The following PHF24 variants were observed in gnomAD, a reference collection of about 807,000 sequenced individuals.
The protein encoded by PHF24 is PHD finger protein 24.
Under a neutral mutation model 42.6 loss-of-function variants are expected in PHF24, and 25 were observed. That is an observed-to-expected ratio of 0.59 (90% CI 0.43 to 0.82). The LOEUF (loss-of-function observed/expected upper bound fraction) is 0.82, where lower values mean the gene tolerates loss of function less well. PHF24 is among the 40% of genes least tolerant of loss of function. The pLI is 0.00. For missense variants in PHF24, 470 were observed against 538.1 expected (o/e 0.87, Z 1.25); for synonymous variants, 185 against 204.8 (o/e 0.90, Z 0.83).
the PHF24 span, among the ~76,000 whole-genome samples, chr9:34,675,502 C>A: frequency 1.3e-5 from 2 of 152,196 alleles, no homozygotes; most frequent in Non-Finnish European, 2.9e-5. Context: ...TGGAGGGTCT[C>A]AGTCCAGCTG....
At chr9:34,900,784 G>A in the PHF24 span, among the ~76,000 whole-genome samples, 2 of 152,122 alleles carry the variant, frequency 1.3e-5, no homozygotes, top group East Asian at 3.9e-4. Flanking sequence ...GTGGATTAAT[G>A]CCACTATAAA....
At chr9:34,898,835 A>T in the PHF24 span, among the ~76,000 whole-genome samples, 1 of 152,202 alleles carries the variant, frequency 6.6e-6, no homozygotes, top group Non-Finnish European at 1.5e-5. Context: ...TGCACTACTT[A>T]CCTCACAGAT....
the PHF24 span, among the ~76,000 whole-genome samples, chr9:34,914,622 G>A: frequency 5.3e-5 from 8 of 151,948 alleles, no homozygotes; most frequent in Admixed American, 3.3e-4. Flanking sequence ...ATCTCATGTC[G>A]GTTCTGCTTC....
chr9:34,914,581 C>T, the PHF24 span, among the ~76,000 whole-genome samples: 1 of 152,006 alleles, frequency 6.6e-6, no homozygotes, highest in African/African-American at 2.4e-5. Flanking sequence ...CAATTGTATC[C>T]TTATACAACA....
the PHF24 span, chr9:34,690,373 A>G: frequency 4.3e-6 from 7 of 1,609,510 alleles, no homozygotes; most frequent in African/African-American, 6.7e-5. Context: ...GACAGGACAC[A>G]GGGACCCTTG....
At chr9:34,895,019 A>G in the PHF24 span, 2 of 398,380 alleles carry the variant, frequency 5.0e-6, no homozygotes, top group African/African-American at 2.1e-5. Context: ...AGTGAATTAG[A>G]GGAGAGACTG....
At chr9:34,840,880 A>G in the PHF24 span, among the ~76,000 whole-genome samples, 56,452 of 151,686 alleles carry the variant, frequency 0.37, 10,810 homozygotes, top group East Asian at 0.66. Context: ...TAAATATATA[A>G]GTATATATGT....
chr9:34,755,132 A>G, the PHF24 span, among the ~76,000 whole-genome samples: 280 of 152,274 alleles, frequency 1.8e-3, 3 homozygotes, highest in Middle Eastern at 0.014. Context: ...AATGAAATCT[A>G]GTATTCGATA....
the PHF24 span, among the ~76,000 whole-genome samples, chr9:34,898,659 C>G: frequency 6.6e-6 from 1 of 152,206 alleles, no homozygotes; most frequent in Admixed American, 6.5e-5. Context: ...AGCAGGTCAT[C>G]AACATACCTG....
At chr9:34,960,601 A>T (rs1826557244) in intron 1 of PHF24, among the ~76,000 whole-genome samples, 1 of 152,202 alleles carries the variant, frequency 6.6e-6, no homozygotes, top group South Asian at 2.1e-4. Context: ...TCTTTGTTCC[A>T]GATCATTGAT....
At chr9:34,964,547 C>G (rs892642640) in intron 1 of PHF24, among the ~76,000 whole-genome samples, 35 of 152,100 alleles carry the variant, frequency 2.3e-4, no homozygotes, top group African/African-American at 8.5e-4. Flanking sequence ...CCCCAGCTTC[C>G]TTCCCCTTCC....
At chr9:34,795,251 G>C in the PHF24 span, among the ~76,000 whole-genome samples, 4 of 151,000 alleles carry the variant, frequency 2.6e-5, no homozygotes, top group East Asian at 1.9e-4. Context: ...CTTTAAAAGA[G>C]AGAGAGAGAA....
At chr9:34,761,681 C>A in the PHF24 span, among the ~76,000 whole-genome samples, 1 of 151,834 alleles carries the variant, frequency 6.6e-6, no homozygotes, top group Non-Finnish European at 1.5e-5. Context: ...CTCTTTTGTG[C>A]TGTTTGATTT....
intron 6 of PHF24, 143 bp downstream of exon 6, chr9:34,977,386 T>TA (rs1183427172): frequency 2.4e-5 from 30 of 1,226,618 alleles, no homozygotes; most frequent in Non-Finnish European, 3.1e-5. Flanking sequence ...TGGTGATGCC[T>TA]ACGGGCCAGG....
chr9:34,959,511 AATAG>A (rs1211669590), intron 1 of PHF24, among the ~76,000 whole-genome samples: 1 of 152,250 alleles, frequency 6.6e-6, no homozygotes, highest in East Asian at 1.9e-4. Context: ...CAGAAGAAAG[AATAG>A]ATATTTGTTA....
chr9:34,876,789 T>C, the PHF24 span, among the ~76,000 whole-genome samples: 1 of 152,108 alleles, frequency 6.6e-6, no homozygotes. Flanking sequence ...ATTCCTCTAT[T>C]AATTACCATA....
the PHF24 span, among the ~76,000 whole-genome samples, chr9:34,852,852 C>T: frequency 2.0e-5 from 3 of 152,158 alleles, no homozygotes; most frequent in Non-Finnish European, 4.4e-5. Flanking sequence ...TCTTGACCTC[C>T]TTGGCTCAAT....
chr9:34,686,259 C>A, the PHF24 span, among the ~76,000 whole-genome samples: 1 of 152,146 alleles, frequency 6.6e-6, no homozygotes, highest in African/African-American at 2.4e-5. Flanking sequence ...CTGGTGGTTT[C>A]TGAGTTTCCC....
chr9:34,915,405 GC>G, the PHF24 span, among the ~76,000 whole-genome samples: 1 of 143,974 alleles, frequency 6.9e-6, no homozygotes, highest in Non-Finnish European at 1.5e-5. Context: ...TGGCAGGTTG[GC>G]CTTTTTTTTT....
Sources: allele counts gnomAD v4.1 joint callset (sites outside exome capture counted in the v4.1 genomes callset), GRCh38; gene constraint gnomAD v4.1.1; transcripts MANE v1.5; gene names NCBI Gene and HGNC (gene_info 2026-07-23, HGNC 2026-07-21).